Variants in MSH3 observed in about 807,000 individuals in gnomAD.
MSH3 encodes the protein mutS homolog 3.
Under a neutral mutation model 123.3 loss-of-function variants are expected in MSH3, and 106 were observed. The observed-to-expected ratio is 0.86, with a 90% CI of 0.73 to 1.01. The LOEUF (loss-of-function observed/expected upper bound fraction) is 1.01, where lower values mean the gene tolerates loss of function less well. Among genes scored for constraint, MSH3 ranks in the 50% least tolerant of loss-of-function variants. The pLI, the probability that MSH3 is intolerant of heterozygous loss-of-function variation, is 0.00. For synonymous variants in MSH3, 515 were observed against 481.4 expected (o/e 1.07, Z -0.91); for missense variants, 1,459 against 1,347.6 (o/e 1.08, Z -1.29).
chr5:80,694,498 A>G (rs1480105068), intron 8 of MSH3, among the ~76,000 whole-genome samples: 2 of 152,146 alleles, frequency 1.3e-5, no homozygotes, highest in South Asian at 2.1e-4. Flanking sequence ...AGAAAGCGTT[A>G]TAATTTTTCC....
chr5:80,811,388 CT>C (rs1184628600), intron 19 of MSH3, among the ~76,000 whole-genome samples: 2 of 151,948 alleles, frequency 1.3e-5, no homozygotes, highest in Non-Finnish European at 2.9e-5. Context: ...CATTGATTGG[CT>C]TTTGATTATT....
intron 20 of MSH3, among the ~76,000 whole-genome samples, chr5:80,816,764 G>A (rs1580068180): frequency 1.3e-5 from 2 of 152,340 alleles, no homozygotes; most frequent in East Asian, 1.9e-4. Context: ...CTTGGCGATA[G>A]ATAGGGGTAT....
At chr5:80,666,007 A>G (rs976341794) in intron 3 of MSH3, among the ~76,000 whole-genome samples, 1 of 152,008 alleles carries the variant, frequency 6.6e-6, no homozygotes, top group African/African-American at 2.4e-5. Flanking sequence ...ATCTTATCTA[A>G]TTGGTTTTCA....
Position 80,745,501 on chromosome 5 carries a change from A to G in MSH3, c.1763+886A>G, listed in dbSNP as rs141040305. On this transcript the variant is annotated intron_variant, in intron 12 of 23. Transcript: ENST00000265081. ...TTCAGAGAGCTTCACTAACTTGCTT[A>G]GTGTTTCATAGCTGGTAGAGATAAA... 4.2e-3 allele frequency among the ~76,000 whole-genome samples: 640 copies of G among 152,364 alleles called. 6 individuals carry two copies. Among genetic ancestry groups the G allele is most frequent in the African/African-American group, 0.014 (592 of 41,588 alleles).
intron 8 of MSH3, among the ~76,000 whole-genome samples, chr5:80,686,310 CTCTT>C (rs1039450803): frequency 1.5e-4 from 23 of 151,920 alleles, no homozygotes; most frequent in African/African-American, 5.3e-4. Flanking sequence ...TTTTTTCTCT[CTCTT>C]TTTTTTGAGA....
chr5:80,683,834 T>C (rs550291260), intron 8 of MSH3, among the ~76,000 whole-genome samples: 2 of 152,326 alleles, frequency 1.3e-5, no homozygotes, highest in Admixed American at 6.5e-5. Context: ...TAGATTTAAG[T>C]CTTTAATCCA....
intron 11 of MSH3, among the ~76,000 whole-genome samples, chr5:80,743,888 G>C (rs992371134): frequency 2.0e-5 from 3 of 151,176 alleles, no homozygotes; most frequent in Admixed American, 1.3e-4. Context: ...AGTGGAAACA[G>C]CCATTTTAGG....
Position 80,743,566 on chromosome 5 carries a change from C to T in MSH3, c.1654-940C>T, listed in dbSNP as rs1372535101. ...AAAGAAAGGATTAAAAAAACCCGGC[C>T]GGGCGCGGTGGCTCACGCCTGTAAT... On this transcript the variant is annotated intron_variant, in intron 11 of 23. Transcript: ENST00000265081. 3.3e-4 allele frequency among the ~76,000 whole-genome samples: 3 copies of T among 9,012 alleles called. 1 individual carries two copies. Among genetic ancestry groups the T allele is most frequent in the Non-Finnish European group, 6.4e-4 (3 of 4,670 alleles). 5.9% of individuals were successfully genotyped at this position (9,012 alleles called of 152,430 possible).
At chr5:80,723,163 G>A (rs1331965484) in intron 8 of MSH3, among the ~76,000 whole-genome samples, 1 of 151,880 alleles carries the variant, frequency 6.6e-6, no homozygotes, top group African/African-American at 2.4e-5. Flanking sequence ...TGTGAAGACC[G>A]AAGGTAAGTG....
chr5:80,736,103 G>A (rs1454975591), intron 10 of MSH3, among the ~76,000 whole-genome samples: 1 of 152,006 alleles, frequency 6.6e-6, no homozygotes, highest in East Asian at 1.9e-4. Flanking sequence ...GCGGGTGCCT[G>A]TAATCCCAGC....
intron 2 of MSH3, among the ~76,000 whole-genome samples, chr5:80,662,768 A>G (rs1350312643): frequency 2.0e-5 from 3 of 152,026 alleles, no homozygotes; most frequent in Non-Finnish European, 4.4e-5. Flanking sequence ...CAGAGGTTGC[A>G]GTGAGCCGAG....
chr5:80,684,951 T>A (rs1005062446), intron 8 of MSH3, among the ~76,000 whole-genome samples: 2 of 152,114 alleles, frequency 1.3e-5, no homozygotes, highest in Non-Finnish European at 2.9e-5. Flanking sequence ...TCTGTTAATA[T>A]GATGTATCAT....
chr5:80,872,001 A>T (rs1746222513), intron 22 of MSH3, among the ~76,000 whole-genome samples: 1 of 152,078 alleles, frequency 6.6e-6, no homozygotes, highest in African/African-American at 2.4e-5. Context: ...GCAGGCCAGC[A>T]ATCTTTCTGA....
chr5:80,691,974 TAG>T (rs1750276386), intron 8 of MSH3, among the ~76,000 whole-genome samples: 1 of 90,200 alleles, frequency 1.1e-5, no homozygotes, highest in African/African-American at 4.4e-5. Flanking sequence ...TATGTTTATA[TAG>T]ATAAACATGT....
At chr5:80,729,431 T>TGG (rs1743368535) in intron 10 of MSH3, among the ~76,000 whole-genome samples, 1 of 40,732 alleles carries the variant, frequency 2.5e-5, no homozygotes, top group African/African-American at 1.4e-4. Flanking sequence ...AAAAAAAAAA[T>TGG]GTGTGTGTGT....
chr5:80,843,962 G>T (rs1303502387), intron 20 of MSH3, among the ~76,000 whole-genome samples: 1 of 151,376 alleles, frequency 6.6e-6, no homozygotes, highest in Non-Finnish European at 1.5e-5. Flanking sequence ...GTTTGCTCTT[G>T]CTTCTCTAGT....
intron 20 of MSH3, among the ~76,000 whole-genome samples, chr5:80,836,348 G>A (rs1202979957): frequency 6.6e-6 from 1 of 152,112 alleles, no homozygotes; most frequent in Non-Finnish European, 1.5e-5. Context: ...CTTAACACTT[G>A]AGGGGACTAC....
intron 20 of MSH3, among the ~76,000 whole-genome samples, chr5:80,828,535 G>C (rs1404468912): frequency 6.6e-6 from 1 of 152,150 alleles, no homozygotes; most frequent in Non-Finnish European, 1.5e-5. Flanking sequence ...TTCATTCCAT[G>C]TTTATAGCCC....
intron 8 of MSH3, among the ~76,000 whole-genome samples, chr5:80,725,229 AAAAAG>A (rs1743260014): frequency 6.6e-6 from 1 of 151,446 alleles, no homozygotes; most frequent in East Asian, 1.9e-4. Context: ...AAAAAAAAAA[AAAAAG>A]ATAATAAAAA....
Sources: gnomAD v4.1 joint callset for allele counts (sites outside exome capture counted in the v4.1 genomes callset) on GRCh38, gnomAD v4.1.1 for gene constraint, MANE v1.5 for transcripts, NCBI Gene and HGNC (gene_info 2026-07-23, HGNC 2026-07-21) for gene names.